The following CDK12 variants were observed in gnomAD, a reference collection of about 807,000 sequenced individuals.
CDK12 encodes the protein cyclin-dependent kinase 12.
Under a neutral mutation model 133.8 loss-of-function variants are expected in CDK12, and 17 were observed. That is an observed-to-expected ratio of 0.13 (90% CI 0.09 to 0.19). The LOEUF is 0.19. Among genes scored for constraint, CDK12 ranks in the 10% least tolerant of loss-of-function variants. The pLI is 1.00. For missense variants in CDK12, 1,508 were observed against 1,818.7 expected (o/e 0.83, Z 3.11); for synonymous variants, 694 against 683.6 (o/e 1.02, Z -0.24).
At chr17:39,476,085 G>C (rs1365751641) in intron 2 of CDK12, among the ~76,000 whole-genome samples, 13 of 150,140 alleles carry the variant, frequency 8.7e-5, no homozygotes, top group Admixed American at 8.6e-4. Context: ...TTTTACTTCA[G>C]AAAAATGTTT....
chr17:39,463,575 A>AT (rs2049094389), intron 1 of CDK12, among the ~76,000 whole-genome samples: 1 of 152,142 alleles, frequency 6.6e-6, no homozygotes, highest in South Asian at 2.1e-4. Context: ...TGTCCACTGA[A>AT]TCCCCAAACC....
chr17:39,558,390 ATTACAT>A (rs1470818231), intron 3 of CDK12, among the ~76,000 whole-genome samples: 1 of 152,240 alleles, frequency 6.6e-6, no homozygotes, highest in African/African-American at 2.4e-5. Flanking sequence ...CAGTTCGTTA[ATTACAT>A]TTATCTGCAT....
At chr17:39,555,938 GTGGGAGGATTGC>G (rs1002728350) in intron 2 of CDK12, among the ~76,000 whole-genome samples, 1 of 150,216 alleles carries the variant, frequency 6.7e-6, no homozygotes, top group African/African-American at 2.5e-5. Context: ...GGAGGCTGAG[GTGGGAGGATTGC>G]TTGAGCCTGG....
chr17:39,517,717 T>G (rs1045957402), intron 10 of CDK12, among the ~76,000 whole-genome samples, 161 bp downstream of exon 10: 1 of 152,218 alleles, frequency 6.6e-6, no homozygotes, highest in Admixed American at 6.5e-5. Context: ...ATCATAGCCC[T>G]TTTGTAATTT....
chr17:39,504,633 CT>C lies in CDK12; in HGVS notation c.2609+3197del, dbSNP rs143283463. ...GTGGCTCACATGTGTAATCCTAACA[CT>C]TTGGGAGGCTGAAGTGGGCAGGTCA... On this transcript the variant is annotated intron_variant, in intron 6 of 13. Coordinates refer to ENST00000447079, the MANE Select transcript of CDK12 (RefSeq NM_016507.4). Among the ~76,000 whole-genome samples, 260 of 152,026 alleles carry C rather than the reference CT, an allele frequency of 1.7e-3. 2 individuals carry two copies. The East Asian group carries it at 0.019, about 11-fold the overall frequency.
chr17:39,476,824 C>T (rs766330627), intron 2 of CDK12, among the ~76,000 whole-genome samples: 7 of 148,290 alleles, frequency 4.7e-5, no homozygotes, highest in South Asian at 2.1e-4. Flanking sequence ...CAAGTTCAAG[C>T]GATTCTCCTG....
rs2049015472 is a variant in CDK12 at position 39,462,332 on chromosome 17, G to A, written c.261G>A (p.Met87Ile). 1 of 1,614,074 alleles carries A rather than the reference G, an allele frequency of 6.2e-7. No homozygotes were observed. Among genetic ancestry groups the A allele is most frequent in the Admixed American group, 1.7e-5 (1 of 59,982 alleles). ...SSDSDTFSDD[M>I]AFKLDRREND... is the part of the protein sequence containing the mutation. ...ATTCCGACACCTTCTCCGATGACAT[G>A]GCCTTCAAACTAGACCGAAGGGAGA... Residue 87 changes from methionine to isoleucine, a missense_variant, in exon 1 of 14, where the codon ATG (methionine) becomes ATA (isoleucine). Met to Ile is a conservative substitution (Grantham distance 10). Transcript: ENST00000447079.
Position 39,530,673 on chromosome 17 carries a change from C to T in CDK12, c.3830C>T (p.Pro1277Leu), listed in dbSNP as rs2146829116. ...PEPPGPPPPP[P>L]PPPLVEGDLS... The stretch of plus-strand genomic sequence containing the variant: ...CCCCCCGGACCTCCACCGCCGCCAC[C>T]TCCACCCCCTCTGGTTGAAGGCGAT... Residue 1277 changes from proline (P) to leucine (L), a missense_variant, in exon 14 of 14, where the codon CCT becomes CTT. Pro to Leu is a moderately conservative substitution (Grantham distance 98). Transcript: ENST00000447079. 8 of 1,613,310 alleles carry T rather than the reference C, an allele frequency of 5.0e-6. No homozygotes were observed. Among genetic ancestry groups the T allele is most frequent in the Non-Finnish European group, 6.8e-6 (8 of 1,179,502 alleles).
In CDK12 at chr17:39,494,673, C is replaced by G. The variant is rs2051922023; in HGVS notation, c.2398C>G (p.Leu800Val). 2 of 1,577,388 alleles carry G rather than the reference C, an allele frequency of 1.3e-6. No individual in the cohort carries two copies. The highest frequency in any genetic ancestry group is 1.7e-6 in the Non-Finnish European group (2 of 1,161,372). ...KEIVTDKQDA[L>V]DFKKDKGAFY... is the part of the protein sequence containing the mutation. ...AATTGTCACAGATAAACAAGATGCA[C>G]TGGATTTCAAGAAGGACAAAGGTAC... Residue 800 changes from leucine (L) to valine (V), a missense_variant, in exon 5 of 14, where the codon CTG becomes GTG. By Grantham distance (32) the Leu-to-Val change is conservative (BLOSUM62 1). Around this residue, in one of 9 missense-constraint regions of CDK12, gnomAD observed 74 missense variants for 160.2 expected, o/e 0.46. Transcript: ENST00000447079.
Position 39,530,864 on chromosome 17 carries a change from A to G in CDK12, c.4021A>G (p.Thr1341Ala), listed in dbSNP as rs2054793885. Reference sequence around the variant, plus strand: ...CCGTCCAAACAGGACTTATGGAAACACTGATGGGCCTGAAACAGGGTTCAG... The same window carrying G: ...CCGTCCAAACAGGACTTATGGAAACGCTGATGGGCCTGAAACAGGGTTCAG... ...RPRPNRTYGN[T>A]DGPETGFSAI... Residue 1341 changes from threonine (T) to alanine (A), a missense_variant, in exon 14 of 14, where the codon ACT becomes GCT. Physicochemically the swap from Thr to Ala is moderately conservative, Grantham distance 58. Transcript: ENST00000447079. 1.9e-6 allele frequency: 3 copies of G among 1,614,160 alleles called. No homozygotes were observed. The highest frequency in any genetic ancestry group is 4.5e-5 in the East Asian group (2 of 44,882).
chr17:39,532,273 T>TAA lies in CDK12; in HGVS notation c.*958_*959insAA. 4.3e-6 allele frequency: 1 copy of TAA among 233,392 alleles called. No individual in the cohort carries two copies. Among genetic ancestry groups the TAA allele is most frequent in the South Asian group, 1.8e-4 (1 of 5,530 alleles). The allele number at this position is 233,392 out of a possible 1,614,324, so 14.5% of individuals were successfully genotyped here. A position where few individuals can be genotyped will look rare whatever the true frequency, so the allele number is the denominator to read the frequency against. On this transcript the variant is annotated 3_prime_UTR_variant, in exon 14 of 14. Transcript: ENST00000447079. ...ATAAAGGAAAGGAAATTCAGACTCT[T>TAA]ACATTGTTCTCTGTAACTCTTCAAT...
chr17:39,561,635 C>T (rs943375808), intron 3 of CDK12, among the ~76,000 whole-genome samples: 2 of 152,154 alleles, frequency 1.3e-5, no homozygotes, highest in African/African-American at 4.8e-5. Flanking sequence ...AGGTTTGGCT[C>T]CTCTCCTGGG....
In CDK12 at chr17:39,473,827, G is replaced by T. The variant is rs186348782; in HGVS notation, c.1931+2064G>T. ...TTGAACCCAGGAGGTGGAGGTTGCA[G>T]TGAGCTGAGATCGTGCCACTGCCCT... On this transcript the variant is annotated intron_variant, in intron 2 of 13. Coordinates refer to ENST00000447079, the MANE Select transcript of CDK12 (RefSeq NM_016507.4). Among the ~76,000 whole-genome samples, 4 of 152,074 alleles carry T rather than the reference G, an allele frequency of 2.6e-5. No homozygotes were observed. The East Asian group carries it at 7.7e-4, about 29-fold the overall frequency.
chr17:39,517,255 C>A (rs1305571460), intron 9 of CDK12, among the ~76,000 whole-genome samples, 185 bp from the exon 10 acceptor site: 1 of 152,144 alleles, frequency 6.6e-6, no homozygotes, highest in Non-Finnish European at 1.5e-5. Flanking sequence ...ATAACCAGTT[C>A]TTTCTGTTCT....
chr17:39,465,636 C>G (rs2049254070), intron 1 of CDK12, among the ~76,000 whole-genome samples: 1 of 151,948 alleles, frequency 6.6e-6, no homozygotes, highest in African/African-American at 2.4e-5. Flanking sequence ...TTACAAGCGC[C>G]CACCATCACA....
chr17:39,527,444 GAGA>G (rs2054562425), intron 13 of CDK12, among the ~76,000 whole-genome samples: 2 of 152,332 alleles, frequency 1.3e-5, no homozygotes, highest in Admixed American at 6.5e-5. Flanking sequence ...GTATAAACCA[GAGA>G]AGGTGACAGC....
chr17:39,496,786 T>C (rs1464631988), intron 5 of CDK12, among the ~76,000 whole-genome samples: 1 of 152,146 alleles, frequency 6.6e-6, no homozygotes, highest in African/African-American at 2.4e-5. Flanking sequence ...TTTCATTGTA[T>C]AGCATTTTTG....
intron 2 of CDK12, among the ~76,000 whole-genome samples, chr17:39,480,488 C>G (rs2050559653): frequency 1.3e-5 from 2 of 151,992 alleles, no homozygotes; most frequent in African/African-American, 4.8e-5. Flanking sequence ...GTTGCCCAGG[C>G]TGGAGTGCAA....
intron 2 of CDK12, among the ~76,000 whole-genome samples, chr17:39,472,778 T>C (rs1488522158): frequency 6.6e-6 from 1 of 151,612 alleles, no homozygotes; most frequent in Non-Finnish European, 1.5e-5. Flanking sequence ...AATAGTTATA[T>C]AAATAACATG....
Sources: allele counts gnomAD v4.1 joint callset (sites outside exome capture counted in the v4.1 genomes callset), GRCh38; gene constraint gnomAD v4.1.1; regional missense constraint gnomAD v4.1.1; transcripts MANE v1.5; gene names NCBI Gene and HGNC (gene_info 2026-07-23, HGNC 2026-07-21).